ZNF396: variants seen among roughly 807,000 people sequenced by gnomAD.
ZNF396 encodes the protein zinc finger protein 396, also known as zinc finger and SCAN domain-containing protein 14.
In ZNF396, 14 loss-of-function variants were observed where a neutral mutation model predicts 20.5. That is an observed-to-expected ratio of 0.68 (90% CI 0.45 to 1.07). ZNF396 has a LOEUF of 1.07. Among genes scored for constraint, ZNF396 ranks in the 50% least tolerant of loss-of-function variants. The probability of loss-of-function intolerance (pLI) is 0.00; values close to 1 mark genes in which losing one functional copy is unlikely to be tolerated. For synonymous variants in ZNF396, 119 were observed against 140.6 expected (o/e 0.85, Z 1.08); for missense variants, 347 against 390.1 (o/e 0.89, Z 0.93).
At chr18:35,376,567 AG>A (rs779431744) in intron 1 of ZNF396, among the ~76,000 whole-genome samples, 45 of 152,250 alleles carry the variant, frequency 3.0e-4, no homozygotes, top group Admixed American at 2.2e-3. Flanking sequence ...AGCGCAGAGG[AG>A]GAAGTGGCGG....
intron 3 of ZNF396, chr18:35,372,137 C>A (rs951256572): frequency 4.6e-5 from 7 of 151,734 alleles, no homozygotes; most frequent in Non-Finnish European, 8.8e-5. Context: ...CAAATTTCTA[C>A]GAATCTTAAA....
In ZNF396 at chr18:35,374,246, G is replaced by C. The variant is rs1272810365; in HGVS notation, c.47C>G (p.Ser16Ter). The C allele has an allele frequency of 6.2e-7, 1 of 1,614,166 alleles. No homozygotes were observed. Among genetic ancestry groups the C allele is most frequent in the Non-Finnish European group, 8.5e-7 (1 of 1,180,030 alleles). The change falls in exon 2 of 4, where the codon TCA becomes TGA. Residue 16 changes from serine (S) to a stop codon, truncating the protein, a stop_gained. Coordinates refer to ENST00000589332, the MANE Select transcript of ZNF396 (RefSeq NM_001322286.2). LOFTEE classifies it high-confidence loss of function. The surrounding 1 kb of genome is among the most constrained non-coding windows in gnomAD (Gnocchi z 4.3). ...GKSSSLLTQT[S>*]EECNGILTEK... ...TGTCAGAATCCCATTACACTCCTCTGAAGTTTGTGTTAGGAGTGATGATGA... is the reference window on the plus strand; with the variant it reads ...TGTCAGAATCCCATTACACTCCTCTCAAGTTTGTGTTAGGAGTGATGATGA...
chr18:35,366,736 G>C lies in ZNF396; in HGVS notation c.*2479C>G, dbSNP rs1191875135. ...TACTATCCCTGAAAATTAATATAATGGGGGTGCTAATGCTAATTTTTAAAA... is the reference window on the plus strand; with the variant it reads ...TACTATCCCTGAAAATTAATATAATCGGGGTGCTAATGCTAATTTTTAAAA... On this transcript the variant is annotated 3_prime_UTR_variant, in exon 4 of 4. Coordinates refer to ENST00000589332, the MANE Select transcript of ZNF396 (RefSeq NM_001322286.2). The C allele has an allele frequency of 6.6e-6, 1 of 152,118 alleles. No individual in the cohort carries two copies. Among genetic ancestry groups the C allele is most frequent in the East Asian group, 1.9e-4 (1 of 5,200 alleles). The allele number at this position is 152,118 out of a possible 1,614,324, so 9.4% of individuals were successfully genotyped here.
rs771453556 is a variant in ZNF396, at chr18:35,374,978, C to G, written c.-72-614G>C. ...TCCCAGATAATGGAAATAAGGGAAG[C>G]CTGAGAAATGCTCTAACTCTGGAGC... On this transcript the variant is annotated intron_variant, in intron 1 of 3. Transcript: ENST00000589332. The surrounding 1 kb of genome is among the most constrained non-coding windows in gnomAD (Gnocchi z 4.3). 3.3e-5 allele frequency among the ~76,000 whole-genome samples: 5 copies of G among 152,098 alleles called. No homozygotes were observed. Among genetic ancestry groups the G allele is most frequent in the Non-Finnish European group, 7.3e-5 (5 of 68,034 alleles).
In ZNF396 at chr18:35,367,189, A is replaced by G. The variant is rs1288924901; in HGVS notation, c.*2026T>C. 1.3e-5 allele frequency: 2 copies of G among 152,238 alleles called. No homozygotes were observed. Among genetic ancestry groups the G allele is most frequent in the Non-Finnish European group, 2.9e-5 (2 of 68,038 alleles). The allele number at this position is 152,238 out of a possible 1,614,324, so 9.4% of individuals were successfully genotyped here. On this transcript the variant is annotated 3_prime_UTR_variant, in exon 4 of 4. Coordinates refer to ENST00000589332, the MANE Select transcript of ZNF396 (RefSeq NM_001322286.2). ...AGTATCCTACATTTTTAGTGACTCA[A>G]GATACACACAACTCAATATAAAATT... is the stretch of plus-strand genomic sequence containing the variant.
Position 35,368,047 on chromosome 18 carries a change from G to A in ZNF396, c.*1168C>T, listed in dbSNP as rs988689520. 12 of 177,678 alleles carry A rather than the reference G, an allele frequency of 6.8e-5. No individual in the cohort carries two copies. In the Middle Eastern group the frequency reaches 6.8e-3, roughly 101 times the overall value. The allele number at this position is 177,678 out of a possible 1,614,324, so 11.0% of individuals were successfully genotyped here. A position where few individuals can be genotyped will look rare whatever the true frequency, so the allele number is the denominator to read the frequency against. On this transcript the variant is annotated 3_prime_UTR_variant, in exon 4 of 4. Transcript: ENST00000589332. ...CAGTTAAGCTGTGGTACATCTCTCCGACACACACTGTACTTGACAACACTT... is the reference window on the plus strand; with the variant it reads ...CAGTTAAGCTGTGGTACATCTCTCCAACACACACTGTACTTGACAACACTT...
In ZNF396 at chr18:35,373,864, C is replaced by A; in HGVS notation, c.417+12G>T. The A allele has an allele frequency of 6.2e-7, 1 of 1,601,234 alleles. No individual in the cohort carries two copies. Among genetic ancestry groups the A allele is most frequent in the Non-Finnish European group, 8.5e-7 (1 of 1,172,198 alleles). Reference sequence around the variant, plus strand: ...CAGCCTGGGGGTTCATCTCCACAGGCATCCTTCTTACCTGCTTTGGTCCAT... The same window carrying A: ...CAGCCTGGGGGTTCATCTCCACAGGAATCCTTCTTACCTGCTTTGGTCCAT... On this transcript the variant is annotated intron_variant, in intron 2 of 3. Coordinates refer to ENST00000589332, the MANE Select transcript of ZNF396 (RefSeq NM_001322286.2).
Position 35,374,015 on chromosome 18 carries a change from T to G in ZNF396, c.278A>C (p.Glu93Ala). 10 of 1,614,218 alleles carry G rather than the reference T, an allele frequency of 6.2e-6. No homozygotes were observed. The highest frequency in any genetic ancestry group is 8.5e-6 in the Non-Finnish European group (10 of 1,180,038). Reference protein sequence around the residue: ...PEVHTKEQILELLVLEQFLAI... With the variant: ...PEVHTKEQILALLVLEQFLAI... Reference sequence around the variant, plus strand: ...CAGGAACTGCTCCAGCACCAGCAGCTCCAGGATCTGCTCCTTGGTGTGCAC... The same window carrying G: ...CAGGAACTGCTCCAGCACCAGCAGCGCCAGGATCTGCTCCTTGGTGTGCAC... The change falls in exon 2 of 4, where the codon GAG becomes GCG. Residue 93 changes from glutamate to alanine, a missense_variant. Transcript: ENST00000589332. This position sits in a 1 kb window ranked among gnomAD's most constrained non-coding sequence, Gnocchi z 4.3.
In ZNF396 at chr18:35,375,673, G is replaced by A. The variant is rs570430793; in HGVS notation, c.-72-1309C>T. Among the ~76,000 whole-genome samples the A allele has an allele frequency of 2.2e-3, 338 of 152,094 alleles. 2 individuals carry two copies. Among genetic ancestry groups the A allele is most frequent in the Middle Eastern group, 0.01 (3 of 294 alleles). On this transcript the variant is annotated intron_variant, in intron 1 of 3. Coordinates refer to ENST00000589332, the MANE Select transcript of ZNF396 (RefSeq NM_001322286.2). The stretch of plus-strand genomic sequence containing the variant: ...AGCTCGTTAGCAACAAAGTTGGGGG[G>A]GGACGGCACTTTCCTTTGTATCATT...
At chr18:35,370,551 C>A (rs539980027) in intron 3 of ZNF396, among the ~76,000 whole-genome samples, 2 of 108,276 alleles carry the variant, frequency 1.8e-5, no homozygotes, top group African/African-American at 3.6e-5. Context: ...CTCGCTCTGT[C>A]GCCCAGGCTG....
Position 35,368,475 on chromosome 18 carries a change from T to G in ZNF396, c.*740A>C. The stretch of plus-strand genomic sequence containing the variant: ...TAACAGAAGACAAAATAGGAATTTA[T>G]TTTTATTTTTATTTATTTATTTATT... On this transcript the variant is annotated 3_prime_UTR_variant, in exon 4 of 4. Coordinates refer to ENST00000589332, the MANE Select transcript of ZNF396 (RefSeq NM_001322286.2). 2.5e-6 allele frequency: 2 copies of G among 812,918 alleles called. 1 individual carries two copies. Among genetic ancestry groups the G allele is most frequent in the East Asian group, 7.1e-5 (2 of 28,060 alleles). 50.4% of individuals were successfully genotyped at this position (812,918 alleles called of 1,614,324 possible).
In ZNF396 at chr18:35,369,055, G is replaced by C; in HGVS notation, c.*160C>G. 1 of 1,397,046 alleles carries C rather than the reference G, an allele frequency of 7.2e-7. No individual in the cohort carries two copies. The highest frequency in any genetic ancestry group is 9.3e-7 in the Non-Finnish European group (1 of 1,080,800). The allele number at this position is 1,397,046 out of a possible 1,614,324, so 86.5% of individuals were successfully genotyped here. ...GATAAGCAGAAAAGCAAATAATGCT[G>C]ACCTGAGATCTTCAACCTTCTCTCC... is the stretch of plus-strand genomic sequence containing the variant. On this transcript the variant is annotated 3_prime_UTR_variant, in exon 4 of 4. Transcript: ENST00000589332.
At position 35,374,872 on chromosome 18, in the gene ZNF396, G is replaced by A. The variant is rs567674564; in HGVS notation, c.-72-508C>T. ...GACTCATTAATTCATATGCATAAGTGATTCACAATTCATTCTGAAAACCAT... is the reference window on the plus strand; with the variant it reads ...GACTCATTAATTCATATGCATAAGTAATTCACAATTCATTCTGAAAACCAT... On this transcript the variant is annotated intron_variant, in intron 1 of 3. Coordinates refer to ENST00000589332, the MANE Select transcript of ZNF396 (RefSeq NM_001322286.2). The surrounding 1 kb of genome is among the most constrained non-coding windows in gnomAD (Gnocchi z 4.3). 1 of 152,488 alleles carries A rather than the reference G, an allele frequency of 6.6e-6. No homozygotes were observed. The highest frequency in any genetic ancestry group is 1.9e-4 in the East Asian group (1 of 5,182). 9.4% of individuals were successfully genotyped at this position (152,488 alleles called of 1,614,324 possible). A position where few individuals can be genotyped will look rare whatever the true frequency, so the allele number is the denominator to read the frequency against.
Position 35,368,311 on chromosome 18 carries a change from A to G in ZNF396, c.*904T>C, listed in dbSNP as rs757675805. Reference sequence around the variant, plus strand: ...GGGAAATTAACTTGATATTAATAGTATGGAGGCTCTTGTGTGCTTTCATAA... The same window carrying G: ...GGGAAATTAACTTGATATTAATAGTGTGGAGGCTCTTGTGTGCTTTCATAA... On this transcript the variant is annotated 3_prime_UTR_variant, in exon 4 of 4. Coordinates refer to ENST00000589332, the MANE Select transcript of ZNF396 (RefSeq NM_001322286.2). The G allele has an allele frequency of 3.2e-5, 36 of 1,138,524 alleles. No homozygotes were observed. The African/African-American group carries it at 5.3e-4, about 17-fold the overall frequency. The allele number at this position is 1,138,524 out of a possible 1,614,324, so 70.5% of individuals were successfully genotyped here.
chr18:35,371,806 T>A (rs1754638906), intron 3 of ZNF396: 1 of 152,200 alleles, frequency 6.6e-6, no homozygotes, highest in Non-Finnish European at 1.5e-5. Context: ...ATTCAAACCA[T>A]AGCATATGGC....
Position 35,374,352 on chromosome 18 carries a change from C to G in ZNF396, c.-60G>C. The stretch of plus-strand genomic sequence containing the variant: ...TAATCCTCAAGGAGGTGAAGCTGTC[C>G]TGATGGACACTCCTTAAATATGATT... On this transcript the variant is annotated 5_prime_UTR_variant, in exon 2 of 4. Coordinates refer to ENST00000589332, the MANE Select transcript of ZNF396 (RefSeq NM_001322286.2). This position sits in a 1 kb window ranked among gnomAD's most constrained non-coding sequence, Gnocchi z 4.3. 3 of 1,475,144 alleles carry G rather than the reference C, an allele frequency of 2.0e-6. No homozygotes were observed. The highest frequency in any genetic ancestry group is 2.8e-6 in the Non-Finnish European group (3 of 1,083,720). 91.4% of individuals were successfully genotyped at this position (1,475,144 alleles called of 1,614,324 possible). A position where few individuals can be genotyped will look rare whatever the true frequency, so the allele number is the denominator to read the frequency against.
chr18:35,367,744 C>G lies in ZNF396; in HGVS notation c.*1471G>C, dbSNP rs917042865. On this transcript the variant is annotated 3_prime_UTR_variant, in exon 4 of 4. Transcript: ENST00000589332. Reference sequence around the variant, plus strand: ...GCCAAATAAGATATCCCATAAATGTCTTAAAACTTATAAACTATAATGGTT... The same window carrying G: ...GCCAAATAAGATATCCCATAAATGTGTTAAAACTTATAAACTATAATGGTT... The G allele has an allele frequency of 2.6e-5, 4 of 152,188 alleles. No individual in the cohort carries two copies. The highest frequency in any genetic ancestry group is 5.9e-5 in the Non-Finnish European group (4 of 68,032). 9.4% of individuals were successfully genotyped at this position (152,188 alleles called of 1,614,324 possible).
chr18:35,368,724 T>C lies in ZNF396; in HGVS notation c.*491A>G. On this transcript the variant is annotated 3_prime_UTR_variant, in exon 4 of 4. Transcript: ENST00000589332. The stretch of plus-strand genomic sequence containing the variant: ...GCCTCGGCCTCCCAAAGTGCTAGGA[T>C]TACAGGCATGAGCCAACCGCACCCA... 3 of 988,306 alleles carry C rather than the reference T, an allele frequency of 3.0e-6. No homozygotes were observed. The highest frequency in any genetic ancestry group is 2.4e-6 in the Non-Finnish European group (2 of 831,882). The allele number at this position is 988,306 out of a possible 1,614,324, so 61.2% of individuals were successfully genotyped here. A position where few individuals can be genotyped will look rare whatever the true frequency, so the allele number is the denominator to read the frequency against.
rs1199215438 is a variant in ZNF396, at chr18:35,368,731, C to A, written c.*484G>T. 1.5e-5 allele frequency: 15 copies of A among 989,436 alleles called. No homozygotes were observed. Among genetic ancestry groups the A allele is most frequent in the African/African-American group, 5.2e-5 (3 of 57,430 alleles). The allele number at this position is 989,436 out of a possible 1,614,324, so 61.3% of individuals were successfully genotyped here. On this transcript the variant is annotated 3_prime_UTR_variant, in exon 4 of 4. Transcript: ENST00000589332. ...CCTCCCAAAGTGCTAGGATTACAGGCATGAGCCAACCGCACCCAGCCAGGA... is the reference window on the plus strand; with the variant it reads ...CCTCCCAAAGTGCTAGGATTACAGGAATGAGCCAACCGCACCCAGCCAGGA...
Sources: allele counts gnomAD v4.1 joint callset (sites outside exome capture counted in the v4.1 genomes callset), GRCh38; gene constraint gnomAD v4.1.1; non-coding constraint Gnocchi (gnomAD v3.1); transcripts MANE v1.5; gene names NCBI Gene and HGNC (gene_info 2026-07-23, HGNC 2026-07-21).